Variants in MAN1C1 observed in about 807,000 individuals in gnomAD.
MAN1C1 encodes mannosidase alpha class 1C member 1.
MAN1C1 carries 49 observed loss-of-function variants against 71.5 expected under a neutral mutation model. That is an observed-to-expected ratio of 0.69 (90% confidence interval 0.54 to 0.87). The LOEUF (loss-of-function observed/expected upper bound fraction) is 0.87. MAN1C1 is among the 40% of genes least tolerant of loss of function. The pLI, the probability that MAN1C1 is intolerant of heterozygous loss-of-function variation, is 0.00. For missense variants in MAN1C1, 743 were observed against 835.0 expected, an observed-to-expected ratio of 0.89 and a Z score of 1.36; for synonymous variants, 352 against 343.7, an observed-to-expected ratio of 1.02 and a Z score of -0.27.
At chr1:25,706,438 C>T (rs1335948018) in intron 2 of MAN1C1, among the ~76,000 whole-genome samples, 6 of 152,036 alleles carry the variant, frequency 3.9e-5, no homozygotes, top group African/African-American at 1.4e-4. Flanking sequence ...GAGTTGTGGG[C>T]GTGTTGGTCG....
intron 1 of MAN1C1, among the ~76,000 whole-genome samples, chr1:25,619,014 T>C (rs1252150651): frequency 1.3e-5 from 2 of 152,204 alleles, no homozygotes; most frequent in East Asian, 3.8e-4. Flanking sequence ...ATTGGCATAA[T>C]GAAGCAGATC....
At chr1:25,648,182 C>T (rs1412965964) in intron 1 of MAN1C1, among the ~76,000 whole-genome samples, 1 of 152,256 alleles carries the variant, frequency 6.6e-6, no homozygotes, top group Non-Finnish European at 1.5e-5. Flanking sequence ...GACGCTTCTA[C>T]AGTCACTGCC....
At chr1:25,644,464 G>A (rs1286625812) in intron 1 of MAN1C1, 1 of 143,140 alleles carries the variant, frequency 7.0e-6, no homozygotes, top group East Asian at 2.0e-4. Flanking sequence ...GGAAATATGG[G>A]CTTAGGACTG....
intron 1 of MAN1C1, among the ~76,000 whole-genome samples, chr1:25,630,523 T>C (rs146432425): frequency 1.5e-3 from 225 of 152,346 alleles, no homozygotes; most frequent in African/African-American, 5.1e-3. Context: ...CTGATTCTTC[T>C]AATCCATGAG....
At chr1:25,678,168 C>T (rs999875727) in intron 1 of MAN1C1, among the ~76,000 whole-genome samples, 8 of 152,118 alleles carry the variant, frequency 5.3e-5, no homozygotes, top group Admixed American at 5.2e-4. Context: ...CAGTGAATTT[C>T]ATACTATGTA....
intron 2 of MAN1C1, among the ~76,000 whole-genome samples, chr1:25,718,235 A>G (rs1360739000): frequency 6.6e-6 from 1 of 152,002 alleles, no homozygotes; most frequent in Non-Finnish European, 1.5e-5. Flanking sequence ...ATCACTTCTT[A>G]ACTCCATGGT....
chr1:25,712,947 T>G (rs2046633479), intron 2 of MAN1C1, among the ~76,000 whole-genome samples: 1 of 152,224 alleles, frequency 6.6e-6, no homozygotes, highest in Non-Finnish European at 1.5e-5. Flanking sequence ...CTTTTGATAT[T>G]GACTTGGGAT....
chr1:25,661,996 G>A (rs147310789), intron 1 of MAN1C1, among the ~76,000 whole-genome samples: 2 of 152,216 alleles, frequency 1.3e-5, no homozygotes, highest in Non-Finnish European at 2.9e-5. Context: ...GCTGGCCAGC[G>A]AACAGTGGTC....
intron 2 of MAN1C1, among the ~76,000 whole-genome samples, chr1:25,690,436 G>A (rs1334616771): frequency 6.6e-6 from 1 of 152,122 alleles, no homozygotes; most frequent in African/African-American, 2.4e-5. Flanking sequence ...GGGATTAGAG[G>A]CGTGTGCCAC....
chr1:25,778,475 A>T lies in MAN1C1; in HGVS notation c.1477+151A>T. The T allele has an allele frequency of 1.3e-6, 1 of 756,442 alleles. No individual in the cohort carries two copies. The highest frequency in any genetic ancestry group is 2.8e-5 in the East Asian group (1 of 36,292). The allele number at this position is 756,442 out of a possible 1,614,324, so 46.9% of individuals were successfully genotyped here. A position where few individuals can be genotyped will look rare whatever the true frequency, so the allele number is the denominator to read the frequency against. ...GTAGAATTTGAGAGAGGTACTCTCC[A>T]GGCTCCGAGACCATACCCTGAATGA... On this transcript the variant is annotated intron_variant, in intron 9 of 11. Coordinates refer to ENST00000374332, the MANE Select transcript of MAN1C1 (RefSeq NM_020379.4). This position sits in a 1 kb window ranked among gnomAD's most constrained non-coding sequence, Gnocchi z 5.5.
At chr1:25,774,954 A>G (rs974881991) in intron 8 of MAN1C1, among the ~76,000 whole-genome samples, 3 of 151,994 alleles carry the variant, frequency 2.0e-5, no homozygotes, top group African/African-American at 7.3e-5. Context: ...CTTGTTTTTT[A>G]TCTTTGCATC....
chr1:25,723,380 T>TG (rs1249594885), intron 2 of MAN1C1, among the ~76,000 whole-genome samples: 2 of 152,242 alleles, frequency 1.3e-5, no homozygotes, highest in Non-Finnish European at 2.9e-5. Context: ...CAGAGATACC[T>TG]GGTGTTGCCA....
At chr1:25,774,653 A>G (rs1396157390) in intron 8 of MAN1C1, among the ~76,000 whole-genome samples, 3 of 152,138 alleles carry the variant, frequency 2.0e-5, no homozygotes, top group Non-Finnish European at 4.4e-5. Flanking sequence ...CTCCCATTTT[A>G]TAGATGAGCA....
Position 25,771,760 on chromosome 1 carries a change from C to G in MAN1C1, c.1245C>G (p.Tyr415Ter). The change falls in exon 8 of 12, where the codon TAC (tyrosine) becomes TAG (stop). Residue 415 changes from tyrosine (Y) to a stop codon, truncating the protein, a stop_gained. Transcript: ENST00000374332. LOFTEE classifies it high-confidence loss of function. Reference sequence around the variant, plus strand: ...ATATGGAGGCTAAAAATATGTACTACGAAGCCTTGGAGGTAAGACAAGCCC... The same window carrying G: ...ATATGGAGGCTAAAAATATGTACTAGGAAGCCTTGGAGGTAAGACAAGCCC... ...KTDMEAKNMYYEALEAIETYL... is the reference protein window; with the variant it reads ...KTDMEAKNMY 4 of 1,612,964 alleles carry G rather than the reference C, an allele frequency of 2.5e-6. No homozygotes were observed. Among genetic ancestry groups the G allele is most frequent in the Middle Eastern group, 1.7e-4 (1 of 6,054 alleles).
chr1:25,770,791 G>A (rs961327845), intron 7 of MAN1C1, among the ~76,000 whole-genome samples: 8 of 91,984 alleles, frequency 8.7e-5, no homozygotes, highest in Admixed American at 1.6e-4. Context: ...CATTCCCCCC[G>A]CCCCGCCTTC....
intron 1 of MAN1C1, among the ~76,000 whole-genome samples, chr1:25,650,718 A>C (rs1274354188): frequency 6.6e-6 from 1 of 152,162 alleles, no homozygotes; most frequent in Non-Finnish European, 1.5e-5. Context: ...CGATAAATCT[A>C]CCAAACTTGG....
rs1370710998 is a variant in MAN1C1 at position 25,753,255 on chromosome 1, T to C, written c.835-229T>C. The stretch of plus-strand genomic sequence containing the variant: ...TAATTTTCATTTCTCCCAACAACTC[T>C]CTAAGAAGGCCAGTATTATCCTATT... On this transcript the variant is annotated intron_variant, in intron 4 of 11. Coordinates refer to ENST00000374332, the MANE Select transcript of MAN1C1 (RefSeq NM_020379.4). The surrounding 1 kb of genome is among the most constrained non-coding windows in gnomAD (Gnocchi z 4.9). 6.6e-6 allele frequency among the ~76,000 whole-genome samples: 1 copy of C among 152,156 alleles called. No individual in the cohort carries two copies. The highest frequency in any genetic ancestry group is 1.5e-5 in the Non-Finnish European group (1 of 68,044).
intron 5 of MAN1C1, among the ~76,000 whole-genome samples, chr1:25,755,011 G>A (rs185526019): frequency 2.0e-5 from 3 of 152,274 alleles, no homozygotes; most frequent in Non-Finnish European, 4.4e-5. Context: ...TTTGCTCTTC[G>A]GAGGGGGCCT....
rs552875959 is a variant in MAN1C1, at chr1:25,746,435, G to A, written c.638-233G>A. On this transcript the variant is annotated intron_variant, in intron 2 of 11. Transcript: ENST00000374332. This position sits in a 1 kb window ranked among gnomAD's most constrained non-coding sequence, Gnocchi z 4.0. ...GGGAAGTGGCTCAGCCTGGGCCCTCGGTCTCTCTGGCCGCTGTTTGCTGCC... is the reference window on the plus strand; with the variant it reads ...GGGAAGTGGCTCAGCCTGGGCCCTCAGTCTCTCTGGCCGCTGTTTGCTGCC... Among the ~76,000 whole-genome samples, 144 of 152,304 alleles carry A rather than the reference G, an allele frequency of 9.5e-4. 1 individual carries two copies. Among genetic ancestry groups the A allele is most frequent in the Non-Finnish European group, 1.7e-3 (116 of 68,022 alleles).
Sources: allele counts gnomAD v4.1 joint callset (sites outside exome capture counted in the v4.1 genomes callset), GRCh38; gene constraint gnomAD v4.1.1; non-coding constraint Gnocchi (gnomAD v3.1); transcripts MANE v1.5; gene names NCBI Gene and HGNC (gene_info 2026-07-23, HGNC 2026-07-21).